OGDH: variants seen among roughly 807,000 people sequenced by gnomAD.
OGDH encodes the protein 2-oxoglutarate dehydrogenase complex component E1.
OGDH carries 38 observed loss-of-function variants against 116.6 expected under a neutral mutation model. The observed-to-expected ratio is 0.33, with a 90% CI of 0.25 to 0.43. The LOEUF (loss-of-function observed/expected upper bound fraction) is 0.43, where lower values mean the gene tolerates loss of function less well. Among genes scored for constraint, OGDH ranks in the 20% least tolerant of loss-of-function variants. OGDH has a pLI of 1.00. For missense variants in OGDH, 825 were observed against 1,357.2 expected, an observed-to-expected ratio of 0.61 and a Z score of 6.16; for synonymous variants, 488 against 533.3, an observed-to-expected ratio of 0.92 and a Z score of 1.17.
intron 4 of OGDH, among the ~76,000 whole-genome samples, chr7:44,664,196 G>C (rs1034847831): frequency 3.9e-5 from 6 of 152,190 alleles, no homozygotes; most frequent in Non-Finnish European, 5.9e-5. Flanking sequence ...GGTGGGGGAA[G>C]GGGAGGGCAC....
At chr7:44,686,482 A>G (rs540023338) in intron 10 of OGDH, among the ~76,000 whole-genome samples, 49 of 152,130 alleles carry the variant, frequency 3.2e-4, no homozygotes, top group African/African-American at 1.2e-3. Context: ...AGGGGTATTG[A>G]TCTTTTGTTG....
intron 10 of OGDH, among the ~76,000 whole-genome samples, chr7:44,690,103 G>T (rs920277480): frequency 2.0e-5 from 3 of 152,212 alleles, no homozygotes; most frequent in African/African-American, 7.2e-5. Flanking sequence ...AAATATAAAT[G>T]ATTGAGTAGC....
intron 9 of OGDH, among the ~76,000 whole-genome samples, chr7:44,679,630 G>A (rs1474244013): frequency 6.6e-6 from 1 of 152,176 alleles, no homozygotes; most frequent in Non-Finnish European, 1.5e-5. Flanking sequence ...GCTAGCCACA[G>A]CGTCCAGGTT....
rs752306297 is a variant in OGDH at position 44,694,500 on chromosome 7, G to A, written c.1592G>A (p.Arg531His). 58 of 1,613,874 alleles carry A rather than the reference G, an allele frequency of 3.6e-5. No individual in the cohort carries two copies. The highest frequency in any genetic ancestry group is 1.8e-4 in the South Asian group (16 of 91,078). ...FTQPLMYKQI[R>H]KQKPVLQKYA... ...CAGCCGCTCATGTACAAGCAGATCC[G>A]CAAGCAGAAGCCTGTGTTACAGAAG... The change falls in exon 12 of 23, where the codon CGC becomes CAC. Residue 531 changes from arginine to histidine, a missense_variant. Transcript: ENST00000222673. The surrounding 1 kb of genome is among the most constrained non-coding windows in gnomAD (Gnocchi z 4.2).
chr7:44,615,126 C>G (rs942938450), intron 1 of OGDH, among the ~76,000 whole-genome samples: 1 of 152,110 alleles, frequency 6.6e-6, no homozygotes, highest in African/African-American at 2.4e-5. Context: ...CCACCATGCC[C>G]GGACAAGATT....
At chr7:44,655,792 T>A (rs1374761945) in intron 4 of OGDH, among the ~76,000 whole-genome samples, 1 of 152,248 alleles carries the variant, frequency 6.6e-6, no homozygotes, top group Non-Finnish European at 1.5e-5. Flanking sequence ...CAAGCACTTC[T>A]TTCCTAGTTT....
chr7:44,700,476 G>A (rs1264072603), intron 19 of OGDH, among the ~76,000 whole-genome samples: 4 of 152,316 alleles, frequency 2.6e-5, no homozygotes, highest in African/African-American at 7.2e-5. Flanking sequence ...CCTCTTCCCC[G>A]ACTGGGCCCC....
At chr7:44,651,418 C>G (rs1045723219) in intron 4 of OGDH, among the ~76,000 whole-genome samples, 3 of 152,210 alleles carry the variant, frequency 2.0e-5, no homozygotes, top group Non-Finnish European at 4.4e-5. Context: ...AGACACAGAA[C>G]TCCACAGTAG....
intron 4 of OGDH, among the ~76,000 whole-genome samples, chr7:44,652,017 C>T (rs559155608): frequency 6.6e-6 from 1 of 151,176 alleles, no homozygotes; most frequent in Non-Finnish European, 1.5e-5. Flanking sequence ...TGATTATTTT[C>T]ATTAACAATT....
chr7:44,667,304 A>G (rs941931824), intron 5 of OGDH, among the ~76,000 whole-genome samples: 5 of 152,156 alleles, frequency 3.3e-5, no homozygotes, highest in African/African-American at 4.8e-5. Flanking sequence ...TTTTATAGAT[A>G]GAAACCAGTG....
Position 44,708,035 on chromosome 7 carries a change from C to A in OGDH, c.*36C>A. The A allele has an allele frequency of 6.2e-7, 1 of 1,601,714 alleles. No homozygotes were observed. The highest frequency in any genetic ancestry group is 1.1e-5 in the South Asian group (1 of 90,202). On this transcript the variant is annotated 3_prime_UTR_variant, in exon 23 of 23. Transcript: ENST00000222673. ...GGGTTGCTTGGGCCACTGCCCTCTCCACACCCATGACTGCCCCTTGCTTCT... is the reference window on the plus strand; with the variant it reads ...GGGTTGCTTGGGCCACTGCCCTCTCAACACCCATGACTGCCCCTTGCTTCT...
At chr7:44,620,738 A>G (rs1032275339) in intron 1 of OGDH, among the ~76,000 whole-genome samples, 1 of 146,212 alleles carries the variant, frequency 6.8e-6, no homozygotes, top group Non-Finnish European at 1.5e-5. Flanking sequence ...TTAAAACATT[A>G]TGAGATGTTT....
intron 20 of OGDH, among the ~76,000 whole-genome samples, chr7:44,704,088 T>C (rs970497312): frequency 6.6e-6 from 1 of 152,222 alleles, no homozygotes; most frequent in Non-Finnish European, 1.5e-5. Context: ...GTGGAATTGC[T>C]GGACCATATG....
chr7:44,629,696 C>T (rs986966409), intron 2 of OGDH, among the ~76,000 whole-genome samples: 3 of 150,876 alleles, frequency 2.0e-5, no homozygotes, highest in Admixed American at 6.6e-5. Context: ...TCTCGTACCT[C>T]AGTCTCCCAG....
intron 2 of OGDH, among the ~76,000 whole-genome samples, chr7:44,640,856 G>T (rs1785899062): frequency 6.6e-6 from 1 of 151,606 alleles, no homozygotes; most frequent in South Asian, 2.1e-4. Flanking sequence ...ACTGGAGCAA[G>T]TTTGGGGTAA....
intron 2 of OGDH, among the ~76,000 whole-genome samples, chr7:44,631,283 C>G (rs183197678): frequency 6.6e-6 from 1 of 152,136 alleles, no homozygotes; most frequent in African/African-American, 2.4e-5. Flanking sequence ...TTGAAGTTAC[C>G]CCTTGATGAT....
At chr7:44,614,122 A>AT (rs1425072390) in intron 1 of OGDH, among the ~76,000 whole-genome samples, 1 of 150,606 alleles carries the variant, frequency 6.6e-6, no homozygotes, top group African/African-American at 2.4e-5. Flanking sequence ...TCTTTTTAAA[A>AT]TTTTTATTTT....
intron 2 of OGDH, among the ~76,000 whole-genome samples, chr7:44,627,826 G>C (rs569453384): frequency 2.6e-4 from 40 of 152,004 alleles, no homozygotes; most frequent in African/African-American, 9.2e-4. Context: ...ACAGATACGC[G>C]CCACCACGCC....
intron 20 of OGDH, among the ~76,000 whole-genome samples, chr7:44,706,440 G>GC (rs2116434112): frequency 6.6e-6 from 1 of 150,960 alleles, no homozygotes; most frequent in East Asian, 2.0e-4. Flanking sequence ...TCCTGCCTCG[G>GC]CCCCCCGAGT....
Sources: gnomAD v4.1 joint callset for allele counts (sites outside exome capture counted in the v4.1 genomes callset) on GRCh38, gnomAD v4.1.1 for gene constraint, Gnocchi (gnomAD v3.1) non-coding constraint, MANE v1.5 for transcripts, NCBI Gene and HGNC (gene_info 2026-07-23, HGNC 2026-07-21) for gene names.